Variants in GLCE observed in about 807,000 individuals in gnomAD.
GLCE encodes the protein D-glucuronyl C5-epimerase.
In GLCE, 19 loss-of-function variants were observed where a neutral mutation model predicts 47.9. The observed-to-expected ratio is 0.40, with a 90% confidence interval of 0.28 to 0.58. The LOEUF (loss-of-function observed/expected upper bound fraction) is 0.58, where lower values mean the gene tolerates loss of function less well. GLCE is among the 20% of genes least tolerant of loss of function. GLCE has a pLI of 0.48. For synonymous variants in GLCE, 245 were observed against 263.4 expected (o/e 0.93, Z 0.68); for missense variants, 556 against 743.3 (o/e 0.75, Z 2.93).
intron 2 of GLCE, among the ~76,000 whole-genome samples, chr15:69,248,024 C>G (rs562720534): frequency 6.6e-6 from 1 of 152,236 alleles, no homozygotes; most frequent in South Asian, 2.1e-4. Flanking sequence ...ACTCAGTTTC[C>G]TTGGGATTTT....
chr15:69,215,065 G>A (rs976722426), intron 2 of GLCE, among the ~76,000 whole-genome samples: 6 of 152,078 alleles, frequency 3.9e-5, no homozygotes, highest in African/African-American at 1.4e-4. Flanking sequence ...GGGTTTCCCT[G>A]ATATCCTAGT....
At chr15:69,204,533 C>T (rs2052123447) in intron 1 of GLCE, among the ~76,000 whole-genome samples, 1 of 152,036 alleles carries the variant, frequency 6.6e-6, no homozygotes, top group Admixed American at 6.6e-5. Context: ...GATCTGCCCA[C>T]CTTGGCCTCC....
intron 1 of GLCE, among the ~76,000 whole-genome samples, chr15:69,188,711 C>G (rs1303322398): frequency 6.6e-6 from 1 of 152,088 alleles, no homozygotes; most frequent in Non-Finnish European, 1.5e-5. Context: ...TCATGACGTT[C>G]TCTTACCCTT....
chr15:69,227,232 ATT>A (rs1028230237), intron 2 of GLCE, among the ~76,000 whole-genome samples: 2 of 152,182 alleles, frequency 1.3e-5, no homozygotes, highest in Admixed American at 6.5e-5. Flanking sequence ...TATGGGGAAT[ATT>A]TGTTACAGCC....
intron 1 of GLCE, among the ~76,000 whole-genome samples, chr15:69,182,279 G>A (rs2051759972): frequency 6.6e-6 from 1 of 151,352 alleles, no homozygotes; most frequent in Admixed American, 6.6e-5. Flanking sequence ...TTGTGTGTGT[G>A]TGTGTGTGTG....
chr15:69,220,325 G>C (rs2052362854), intron 2 of GLCE, among the ~76,000 whole-genome samples: 1 of 151,962 alleles, frequency 6.6e-6, no homozygotes, highest in African/African-American at 2.4e-5. Flanking sequence ...GTACCATTTT[G>C]TTTTTCTTAT....
At chr15:69,161,235 G>T (rs923437052) in intron 1 of GLCE, among the ~76,000 whole-genome samples, 1 of 152,040 alleles carries the variant, frequency 6.6e-6, no homozygotes. Context: ...AGATCATCGG[G>T]GTCTTGGGGG....
At chr15:69,218,433 G>T (rs986569633) in intron 2 of GLCE, among the ~76,000 whole-genome samples, 2 of 152,098 alleles carry the variant, frequency 1.3e-5, no homozygotes. Flanking sequence ...AGGATCGCTT[G>T]AGCCTGGGAG....
intron 2 of GLCE, among the ~76,000 whole-genome samples, chr15:69,248,557 G>A (rs1053113418): frequency 6.6e-6 from 1 of 152,076 alleles, no homozygotes; most frequent in Non-Finnish European, 1.5e-5. Flanking sequence ...AGGAAAGGAG[G>A]GAGCAACGGA....
chr15:69,175,908 A>C (rs2051654961), intron 1 of GLCE, among the ~76,000 whole-genome samples: 2 of 152,216 alleles, frequency 1.3e-5, no homozygotes, highest in South Asian at 4.1e-4. Context: ...AAATGTGTGA[A>C]TTTACTGAGT....
At chr15:69,205,167 C>T (rs183412497) in intron 1 of GLCE, among the ~76,000 whole-genome samples, 2 of 151,974 alleles carry the variant, frequency 1.3e-5, no homozygotes, top group African/African-American at 4.8e-5. Context: ...TGCTCCCCCC[C>T]ACCCCTCAAT....
At chr15:69,181,514 T>C (rs1218230209) in intron 1 of GLCE, among the ~76,000 whole-genome samples, 5 of 152,242 alleles carry the variant, frequency 3.3e-5, no homozygotes, top group African/African-American at 1.2e-4. Flanking sequence ...GAAAGTGTTT[T>C]GAGAGGAGGG....
At chr15:69,198,799 C>A (rs1352763364) in intron 1 of GLCE, among the ~76,000 whole-genome samples, 1 of 152,130 alleles carries the variant, frequency 6.6e-6, no homozygotes, top group Non-Finnish European at 1.5e-5. Flanking sequence ...AAGTGATCCT[C>A]CTGCCTTGGC....
At position 69,164,246 on chromosome 15, in the gene GLCE, G is replaced by A. The variant is rs114891670; in HGVS notation, c.-105+3489G>A. On this transcript the variant is annotated intron_variant, in intron 1 of 4. Transcript: ENST00000261858. The stretch of plus-strand genomic sequence containing the variant: ...AATTTTATAGTTTCATTATTACACT[G>A]CTGAAAATGACAGTACCAAAGTGTC... Among the ~76,000 whole-genome samples the A allele has an allele frequency of 9.2e-3, 1,392 of 151,994 alleles. 15 individuals are homozygous for A. The highest frequency in any genetic ancestry group is 0.031 in the African/African-American group (1,305 of 41,494).
intron 1 of GLCE, among the ~76,000 whole-genome samples, chr15:69,206,482 T>C (rs1313583732): frequency 6.6e-6 from 1 of 152,072 alleles, no homozygotes; most frequent in Admixed American, 6.6e-5. Flanking sequence ...TTATTAAGTT[T>C]TCTTCTGTAA....
intron 2 of GLCE, among the ~76,000 whole-genome samples, chr15:69,244,474 G>A (rs2052720112): frequency 6.6e-6 from 1 of 152,104 alleles, no homozygotes; most frequent in Non-Finnish European, 1.5e-5. Context: ...ACCTGTGAAT[G>A]TCTGAATTCA....
At position 69,268,238 on chromosome 15, in the gene GLCE, C is replaced by G; in HGVS notation, c.848C>G (p.Ser283Cys). 1 of 1,605,662 alleles carries G rather than the reference C, an allele frequency of 6.2e-7. No homozygotes were observed. Among genetic ancestry groups the G allele is most frequent in the Non-Finnish European group, 8.5e-7 (1 of 1,175,640 alleles). ...FIAPETSEGV[S>C]LQLGNTKDFI... ...CCTACAGAAACCAGTGAAGGTGTAT[C>G]CTTGCAACTGGGAAACACAAAAGAT... Residue 283 changes from serine (S) to cysteine (C), a missense_variant, in exon 5 of 5, where the codon TCC (serine) becomes TGC (cysteine). Transcript: ENST00000261858.
intron 1 of GLCE, among the ~76,000 whole-genome samples, chr15:69,162,350 A>G (rs562611826): frequency 2.1e-4 from 32 of 152,126 alleles, no homozygotes; most frequent in South Asian, 2.1e-3. Flanking sequence ...GAGAAAGCCT[A>G]TGTGTTTGCC....
intron 2 of GLCE, among the ~76,000 whole-genome samples, chr15:69,212,960 A>G (rs1411943287): frequency 1.3e-5 from 2 of 152,074 alleles, no homozygotes; most frequent in African/African-American, 4.8e-5. Flanking sequence ...TACCCATTTT[A>G]TCTTCTACCA....
Sources: allele counts gnomAD v4.1 joint callset (sites outside exome capture counted in the v4.1 genomes callset), GRCh38; gene constraint gnomAD v4.1.1; transcripts MANE v1.5; gene names NCBI Gene and HGNC (gene_info 2026-07-23, HGNC 2026-07-21).